The following EML6 variants were observed in gnomAD, a reference collection of about 807,000 sequenced individuals.
EML6 encodes the protein echinoderm microtubule-associated protein-like 6.
In EML6, 154 loss-of-function variants were observed where a neutral mutation model predicts 240.1. The ratio of observed to expected loss-of-function variants is 0.64; its 90% CI spans 0.56 to 0.73. The LOEUF (loss-of-function observed/expected upper bound fraction) is 0.73, where lower values mean the gene tolerates loss of function less well. EML6 is among the 30% of genes least tolerant of loss of function. EML6 has a pLI of 0.00. For missense variants in EML6, 2,964 were observed against 2,474.6 expected (o/e 1.20, Z -4.20); for synonymous variants, 1,148 against 899.0 (o/e 1.28, Z -4.95).
At chr2:54,807,006 T>G (rs1670530278) in intron 2 of EML6, among the ~76,000 whole-genome samples, 1 of 152,218 alleles carries the variant, frequency 6.6e-6, no homozygotes, top group Non-Finnish European at 1.5e-5. Context: ...ACTTATACAC[T>G]TTACTGACAT....
At position 54,820,438 on chromosome 2, in the gene EML6, T is replaced by C. The variant is rs577409141; in HGVS notation, c.501T>C (p.Val167=). 3.2e-5 allele frequency: 49 copies of C among 1,549,876 alleles called. 1 individual carries two copies. The South Asian group carries it at 5.4e-4, about 17-fold the overall frequency. ...ATCCATATCAGCCAAACAGAGTGGT[T>C]AGCTGTGGAGTAAAACACATAAAGG... ...SWDPYQPNRV[V]SCGVKHIKFW... Residue 167 remains valine (V), a synonymous_variant, in exon 5 of 42, where the codon GTT becomes GTC. Coordinates refer to ENST00000356458, the MANE Select transcript of EML6 (RefSeq NM_001039753.4).
intron 19 of EML6, among the ~76,000 whole-genome samples, chr2:54,893,556 G>GTT (rs1672595011): frequency 6.6e-6 from 1 of 152,180 alleles, no homozygotes; most frequent in African/African-American, 2.4e-5. Flanking sequence ...TTCAACATGA[G>GTT]TTTTGGAGGG....
chr2:54,934,432 G>C (rs1482676012), intron 28 of EML6, among the ~76,000 whole-genome samples: 1 of 152,044 alleles, frequency 6.6e-6, no homozygotes, highest in Admixed American at 6.6e-5. Flanking sequence ...TCAATTTTTA[G>C]ACATCTGCCA....
intron 11 of EML6, among the ~76,000 whole-genome samples, chr2:54,857,827 A>T (rs1350824718): frequency 1.3e-4 from 20 of 152,220 alleles, no homozygotes; most frequent in Admixed American, 1.3e-3. Flanking sequence ...AAAGAGACCA[A>T]TGTACCCAGA....
At chr2:54,753,789 A>G (rs762447779) in intron 2 of EML6, among the ~76,000 whole-genome samples, 2 of 151,332 alleles carry the variant, frequency 1.3e-5, no homozygotes, top group Non-Finnish European at 2.9e-5. Flanking sequence ...CTCTGGCCTC[A>G]GCCTCCCGAG....
intron 28 of EML6, among the ~76,000 whole-genome samples, chr2:54,932,700 T>C (rs898702401): frequency 6.6e-6 from 1 of 152,188 alleles, no homozygotes; most frequent in Non-Finnish European, 1.5e-5. Flanking sequence ...AAAATGCTTA[T>C]ATCATCTCAA....
At chr2:54,748,406 G>A (rs1684013513) in intron 2 of EML6, 1 of 152,088 alleles carries the variant, frequency 6.6e-6, no homozygotes, top group South Asian at 2.1e-4. Flanking sequence ...TCTTCTTCAG[G>A]CTAAAGGGCC....
chr2:54,768,334 G>A (rs994143643), intron 2 of EML6, among the ~76,000 whole-genome samples: 10 of 152,084 alleles, frequency 6.6e-5, no homozygotes, highest in Non-Finnish European at 1.0e-4. Flanking sequence ...GCATCTTATT[G>A]CTAGAACTAC....
intron 2 of EML6, among the ~76,000 whole-genome samples, chr2:54,806,572 C>G (rs1670495204): frequency 7.5e-6 from 1 of 133,880 alleles, no homozygotes; most frequent in Non-Finnish European, 1.5e-5. Context: ...GAGATCACGC[C>G]CTTGCACTCC....
intron 2 of EML6, among the ~76,000 whole-genome samples, chr2:54,802,618 A>ATACTACTACTACTACTACTAC (rs56119525): frequency 3.1e-4 from 44 of 139,958 alleles, no homozygotes; most frequent in African/African-American, 4.6e-4. Flanking sequence ...ACCCTGTCTC[A>ATACTACTACTACTACTACTAC]TACTACTACT....
intron 2 of EML6, among the ~76,000 whole-genome samples, chr2:54,735,738 C>G (rs1035714339): frequency 1.3e-5 from 2 of 152,216 alleles, no homozygotes; most frequent in Non-Finnish European, 2.9e-5. Context: ...ATTTGCATCC[C>G]TTTCAATGTA....
chr2:54,807,527 A>C (rs1490874403), intron 2 of EML6, among the ~76,000 whole-genome samples: 1 of 152,180 alleles, frequency 6.6e-6, no homozygotes, highest in Admixed American at 6.5e-5. Flanking sequence ...AGTGATTTCC[A>C]TGATGTAAAT....
intron 4 of EML6, among the ~76,000 whole-genome samples, chr2:54,818,237 G>C (rs563600461): frequency 6.6e-6 from 1 of 152,158 alleles, no homozygotes; most frequent in African/African-American, 2.4e-5. Context: ...TAATCACTTT[G>C]GCTTGTATAG....
intron 10 of EML6, among the ~76,000 whole-genome samples, chr2:54,852,120 C>G (rs1158442634): frequency 6.6e-6 from 1 of 152,126 alleles, no homozygotes; most frequent in African/African-American, 2.4e-5. Context: ...GTTTTAGTCC[C>G]AGATCTTTGT....
intron 2 of EML6, among the ~76,000 whole-genome samples, chr2:54,806,540 G>A (rs1670492694): frequency 7.0e-6 from 1 of 143,222 alleles, no homozygotes; most frequent in South Asian, 2.2e-4. Context: ...TTGAACCTGG[G>A]AGGCGGAGGT....
At chr2:54,945,426 G>A (rs1004142628) in intron 28 of EML6, among the ~76,000 whole-genome samples, 4 of 151,652 alleles carry the variant, frequency 2.6e-5, no homozygotes, top group Non-Finnish European at 5.9e-5. Context: ...TGATGAACAC[G>A]ACTCAAAACA....
chr2:54,912,655 T>C (rs1673703114), intron 25 of EML6, among the ~76,000 whole-genome samples: 1 of 152,198 alleles, frequency 6.6e-6, no homozygotes, highest in African/African-American at 2.4e-5. Context: ...TGAGAACATG[T>C]GGTATTTGGT....
At chr2:54,796,804 G>T (rs1268114900) in intron 2 of EML6, among the ~76,000 whole-genome samples, 2 of 151,994 alleles carry the variant, frequency 1.3e-5, no homozygotes, top group East Asian at 3.9e-4. Flanking sequence ...TTAGAGCACC[G>T]CCAGGCTATT....
chr2:54,950,552 T>C lies in EML6; in HGVS notation c.4084-98T>C, dbSNP rs1399457976. On this transcript the variant is annotated intron_variant, in intron 29 of 41. Coordinates refer to ENST00000356458, the MANE Select transcript of EML6 (RefSeq NM_001039753.4). ...GTGTTGGCGTCACCAGCCATACCGT[T>C]CCTGGGACACACGAGGCTGCTCACG... The C allele has an allele frequency of 5.0e-6, 7 of 1,388,512 alleles. 1 individual carries two copies. The African/African-American group carries it at 5.8e-5, about 11-fold the overall frequency. 86.0% of individuals were successfully genotyped at this position (1,388,512 alleles called of 1,614,324 possible).
Sources: gnomAD v4.1 joint callset for allele counts (sites outside exome capture counted in the v4.1 genomes callset) on GRCh38, gnomAD v4.1.1 for gene constraint, MANE v1.5 for transcripts, NCBI Gene and HGNC (gene_info 2026-07-23, HGNC 2026-07-21) for gene names.